GGT5: variants seen among roughly 807,000 people sequenced by gnomAD.
GGT5 encodes gamma-glutamyltransferase 5.
GGT5 carries 50 observed loss-of-function variants against 58.1 expected under a neutral mutation model. The ratio of observed to expected loss-of-function variants is 0.86; its 90% CI spans 0.69 to 1.09. The LOEUF is 1.09. Among genes scored for constraint, GGT5 ranks in the 50% least tolerant of loss-of-function variants. The probability of loss-of-function intolerance (pLI) is 0.00; values close to 1 mark genes in which losing one functional copy is unlikely to be tolerated. For synonymous variants in GGT5, 370 were observed against 346.1 expected (o/e 1.07, Z -0.77); for missense variants, 800 against 789.4 (o/e 1.01, Z -0.16).
chr22:24,232,302 A>G, intron 4 of GGT5, 94 bp from the exon 5 acceptor site: 2 of 645,110 alleles, frequency 3.1e-6, no homozygotes, highest in Non-Finnish European at 2.6e-6. Context: ...AGGACCCTAC[A>G]GTGGGGGGCG....
At chr22:24,225,928 TG>T in intron 8 of GGT5, 147 bp downstream of exon 8, 1 of 644,448 alleles carries the variant, frequency 1.6e-6, no homozygotes, top group Non-Finnish European at 2.6e-6. Context: ...ATGTCAGGGG[TG>T]GGGGCCTCTT....
Position 24,220,048 on chromosome 22 carries a change from G to C in GGT5, c.1683C>G (p.Val561=), listed in dbSNP as rs1416226040. 11 of 1,613,912 alleles carry C rather than the reference G, an allele frequency of 6.8e-6. No individual in the cohort carries two copies. The East Asian group carries it at 2.2e-4, about 33-fold the overall frequency. ...QTQRPFFLNV[V]QAVSQEGACV... ...AGGCCCCCTCCTGGGACACAGCCTG[G>C]ACCACGTTCAGGAAGAAGGGCCTCT... Residue 561 remains valine, a synonymous_variant, in exon 12 of 12, where the codon GTC becomes GTG. Transcript: ENST00000327365.
At chr22:24,231,303 C>A in intron 6 of GGT5, 81 bp downstream of exon 6, 1 of 922,424 alleles carries the variant, frequency 1.1e-6, no homozygotes, top group Non-Finnish European at 1.6e-6. Context: ...CTTGGCTGGG[C>A]TTGGGCTTGG....
Position 24,233,569 on chromosome 22 carries a change from C to A in GGT5, c.329G>T (p.Arg110Leu). The A allele has an allele frequency of 6.2e-7, 1 of 1,608,990 alleles. No individual in the cohort carries two copies. The highest frequency in any genetic ancestry group is 1.1e-5 in the South Asian group (1 of 90,786). Residue 110 changes from arginine (R) to leucine (L), a missense_variant, in exon 3 of 12, where the codon CGG becomes CTG. Coordinates refer to ENST00000327365, the MANE Select transcript of GGT5 (RefSeq NM_004121.5). ...TTGKVEVINA[R>L]ETVPASHAPS... ...GGCGTGGCTGGCCGGCACCGTCTCC[C>A]GGGCATTGATGACCTCCACCTTCCC...
At chr22:24,238,794 T>TAATATATATATATAATATACA (rs113729470) in intron 1 of GGT5, among the ~76,000 whole-genome samples, 1 of 9,644 alleles carries the variant, frequency 1.0e-4, no homozygotes, top group African/African-American at 7.8e-4. Context: ...ATATTATATA[T>TAATATATATATATAATATACA]TTATATATAT....
intron 11 of GGT5, among the ~76,000 whole-genome samples, chr22:24,221,933 C>A (rs1601366193): frequency 6.6e-6 from 1 of 151,086 alleles, no homozygotes; most frequent in Non-Finnish European, 1.5e-5. Context: ...AATCCCAGCA[C>A]TTTGGGAGGC....
At chr22:24,236,278 T>C (rs1050931718) in intron 1 of GGT5, among the ~76,000 whole-genome samples, 2 of 152,146 alleles carry the variant, frequency 1.3e-5, no homozygotes, top group African/African-American at 4.8e-5. Flanking sequence ...GCTCAGCGCC[T>C]ACACCCTGGA....
chr22:24,232,012 T>A, intron 5 of GGT5, 39 bp downstream of exon 5: 1 of 1,581,350 alleles, frequency 6.3e-7, no homozygotes, highest in East Asian at 2.2e-5. Flanking sequence ...TGGCTCTTCC[T>A]CCAGCAGGGA....
At chr22:24,241,542 C>A (rs1455785983) in intron 1 of GGT5, 1 of 152,190 alleles carries the variant, frequency 6.6e-6, no homozygotes, top group Non-Finnish European at 1.5e-5. Context: ...GGTGGGTAAT[C>A]TGTTTTACCT....
chr22:24,229,374 C>T (rs2047872267), intron 6 of GGT5, among the ~76,000 whole-genome samples: 1 of 151,620 alleles, frequency 6.6e-6, no homozygotes, highest in African/African-American at 2.4e-5. Context: ...CCATTGCACT[C>T]CAGCCTTGGC....
chr22:24,230,519 C>A (rs1486344717), intron 6 of GGT5, among the ~76,000 whole-genome samples: 2 of 151,944 alleles, frequency 1.3e-5, no homozygotes, highest in African/African-American at 4.8e-5. Context: ...GATTGTGCCA[C>A]TGTGCTCTAC....
intron 11 of GGT5, chr22:24,220,470 G>A (rs1293467682): frequency 2.1e-6 from 1 of 479,040 alleles, no homozygotes; most frequent in Non-Finnish European, 4.1e-6. Context: ...TAGACACTGA[G>A]GCCAGACACA....
intron 6 of GGT5, among the ~76,000 whole-genome samples, chr22:24,228,673 A>G (rs1330581757): frequency 6.6e-6 from 1 of 151,934 alleles, no homozygotes; most frequent in Admixed American, 6.6e-5. Context: ...GATGGTCTCG[A>G]TCTCCTGAAC....
chr22:24,243,580 C>T (rs1235639888), intron 1 of GGT5: 1 of 152,300 alleles, frequency 6.6e-6, no homozygotes, highest in Non-Finnish European at 1.5e-5. Flanking sequence ...GCCTGCAAGA[C>T]AGAACTTCTG....
At chr22:24,222,371 C>T (rs180887198) in intron 11 of GGT5, among the ~76,000 whole-genome samples, 2 of 152,208 alleles carry the variant, frequency 1.3e-5, no homozygotes, top group Non-Finnish European at 2.9e-5. Context: ...CCATGCCTGA[C>T]CTACTAATTG....
In GGT5 at chr22:24,229,485, A is replaced by G. The variant is rs2047876817; in HGVS notation, c.901+1899T>C. On this transcript the variant is annotated intron_variant, in intron 6 of 11. Transcript: ENST00000327365. ...AGGGGAATGAGGGATAAAAGACTACACACTAGGAACAGTGTACACTGCTTG... is the reference window on the plus strand; with the variant it reads ...AGGGGAATGAGGGATAAAAGACTACGCACTAGGAACAGTGTACACTGCTTG... Among the ~76,000 whole-genome samples, 3 of 152,016 alleles carry G rather than the reference A, an allele frequency of 2.0e-5. No individual in the cohort carries two copies. In the South Asian group the frequency reaches 6.2e-4, roughly 32 times the overall value.
chr22:24,233,765 C>T, intron 2 of GGT5, 109 bp downstream of exon 2: 1 of 1,150,202 alleles, frequency 8.7e-7, no homozygotes, highest in Non-Finnish European at 1.3e-6. Flanking sequence ...GGCAGGGGGC[C>T]CAAGAACACC....
chr22:24,224,990 C>T lies in GGT5; in HGVS notation c.1614+6G>A. The stretch of plus-strand genomic sequence containing the variant: ...CCTAGGCATCCAGCTCGGACCTCAG[C>T]CTCACCTGGCTGAAGTTGGGCTCGT... On this transcript the variant is annotated splice_donor_region_variant and intron_variant, in intron 11 of 11. Coordinates refer to ENST00000327365, the MANE Select transcript of GGT5 (RefSeq NM_004121.5). 2.6e-6 allele frequency: 4 copies of T among 1,568,592 alleles called. No individual in the cohort carries two copies. Among genetic ancestry groups the T allele is most frequent in the Non-Finnish European group, 2.6e-6 (3 of 1,151,778 alleles).
At position 24,225,631 on chromosome 22, in the gene GGT5, T is replaced by G. The variant is rs201765477; in HGVS notation, c.1251A>C (p.Ser417=). 6 of 1,611,510 alleles carry G rather than the reference T, an allele frequency of 3.7e-6. No individual in the cohort carries two copies. In the African/African-American group the frequency reaches 8.0e-5, roughly 21 times the overall value. Residue 417 remains serine (S), a synonymous_variant, in exon 9 of 12, where the codon TCA becomes TCC. Coordinates refer to ENST00000327365, the MANE Select transcript of GGT5 (RefSeq NM_004121.5). ...INTPFGAMVY[S]PRTGIILNNE... is the part of the protein sequence containing the mutation. Reference sequence around the variant, plus strand: ...TGTTGAGGATGATGCCTGTCCGTGGTGAATACACCATCGCTCCAAAGCTGC... The same window carrying G: ...TGTTGAGGATGATGCCTGTCCGTGGGGAATACACCATCGCTCCAAAGCTGC...
Sources: gnomAD v4.1 joint callset for allele counts (sites outside exome capture counted in the v4.1 genomes callset) on GRCh38, gnomAD v4.1.1 for gene constraint, MANE v1.5 for transcripts, NCBI Gene and HGNC (gene_info 2026-07-23, HGNC 2026-07-21) for gene names.